The following POFUT3 variants were observed in gnomAD, a reference collection of about 807,000 sequenced individuals.
POFUT3 encodes protein O-fucosyltransferase 3.
the POFUT3 span, among the ~76,000 whole-genome samples, chr8:33,366,565 TCA>T: frequency 6.6e-6 from 1 of 152,236 alleles, no homozygotes; most frequent in Non-Finnish European, 1.5e-5. Flanking sequence ...CTGCATTTAT[TCA>T]GTGTCAACAG....
the POFUT3 span, among the ~76,000 whole-genome samples, chr8:33,443,264 T>C: frequency 6.6e-6 from 1 of 152,208 alleles, no homozygotes; most frequent in African/African-American, 2.4e-5. Context: ...CGAAATGTCT[T>C]TGTTAGTTAA....
chr8:33,370,491 A>G, the POFUT3 span, among the ~76,000 whole-genome samples: 2 of 152,256 alleles, frequency 1.3e-5, no homozygotes, highest in Non-Finnish European at 2.9e-5. Context: ...CTTTCTTAAA[A>G]TATTTCACAA....
At chr8:33,409,278 T>C in the POFUT3 span, among the ~76,000 whole-genome samples, 1 of 152,122 alleles carries the variant, frequency 6.6e-6, no homozygotes, top group Non-Finnish European at 1.5e-5. Context: ...AGTTTTTGTA[T>C]TTTTAGTGGA....
the POFUT3 span, among the ~76,000 whole-genome samples, chr8:33,359,420 T>C: frequency 5.3e-4 from 80 of 152,290 alleles, 1 homozygote; most frequent in African/African-American, 1.9e-3. Context: ...AGATGTTTGG[T>C]GAAGGCACTA....
At chr8:33,418,544 C>G in the POFUT3 span, among the ~76,000 whole-genome samples, 1 of 151,548 alleles carries the variant, frequency 6.6e-6, no homozygotes, top group Non-Finnish European at 1.5e-5. Flanking sequence ...CTCAGGTGAT[C>G]TGCCCACCTC....
chr8:33,395,385 CA>C, the POFUT3 span, among the ~76,000 whole-genome samples: 1 of 152,032 alleles, frequency 6.6e-6, no homozygotes, highest in African/African-American at 2.4e-5. Flanking sequence ...GGCAGCTGGA[CA>C]TCAGAGATTA....
the POFUT3 span, among the ~76,000 whole-genome samples, chr8:33,398,886 TG>T: frequency 6.6e-6 from 1 of 152,224 alleles, no homozygotes; most frequent in Non-Finnish European, 1.5e-5. Context: ...GGCCTTCTTA[TG>T]GGCCGGCATT....
At chr8:33,317,682 C>T in the POFUT3 span, among the ~76,000 whole-genome samples, 1 of 152,056 alleles carries the variant, frequency 6.6e-6, no homozygotes, top group Non-Finnish European at 1.5e-5. Context: ...TTGCTGGTTG[C>T]CCTGTAAATA....
At chr8:33,397,535 A>G in the POFUT3 span, among the ~76,000 whole-genome samples, 7 of 152,164 alleles carry the variant, frequency 4.6e-5, no homozygotes, top group Non-Finnish European at 8.8e-5. Context: ...AGTTTAAGGC[A>G]CTGCCCTTCA....
chr8:33,351,005 TC>T, the POFUT3 span, among the ~76,000 whole-genome samples: 1 of 152,234 alleles, frequency 6.6e-6, no homozygotes, highest in Non-Finnish European at 1.5e-5. Flanking sequence ...GGACAGAGTC[TC>T]ACTCTGTTGC....
chr8:33,314,308 C>T, the POFUT3 span, among the ~76,000 whole-genome samples: 2 of 152,158 alleles, frequency 1.3e-5, no homozygotes, highest in Non-Finnish European at 2.9e-5. Flanking sequence ...AATTCAACCA[C>T]GTGGGATGGA....
the POFUT3 span, among the ~76,000 whole-genome samples, chr8:33,370,609 G>A: frequency 2.0e-5 from 3 of 152,206 alleles, no homozygotes; most frequent in Non-Finnish European, 4.4e-5. Context: ...GAAACGCTTA[G>A]AGAGGATTTT....
the POFUT3 span, among the ~76,000 whole-genome samples, chr8:33,424,268 A>C: frequency 6.6e-6 from 1 of 152,174 alleles, no homozygotes; most frequent in East Asian, 1.9e-4. Flanking sequence ...TCATGTTTCA[A>C]ATAAGGAAAA....
the POFUT3 span, among the ~76,000 whole-genome samples, chr8:33,327,940 C>T: frequency 6.6e-6 from 1 of 152,178 alleles, no homozygotes; most frequent in Non-Finnish European, 1.5e-5. Flanking sequence ...CTCATGGCAA[C>T]ATTAACTCCA....
the POFUT3 span, among the ~76,000 whole-genome samples, chr8:33,361,954 G>A: frequency 1.3e-5 from 2 of 152,162 alleles, no homozygotes; most frequent in East Asian, 1.9e-4. Flanking sequence ...GCAGTCCCAA[G>A]ACACGTAATT....
the POFUT3 span, among the ~76,000 whole-genome samples, chr8:33,467,968 G>A: frequency 6.8e-4 from 104 of 152,176 alleles, 3 homozygotes; most frequent in East Asian, 0.019. Context: ...GGCTGGGTGC[G>A]GTGGCTCATG....
chr8:33,424,542 GC>G, the POFUT3 span, among the ~76,000 whole-genome samples: 1 of 152,194 alleles, frequency 6.6e-6, no homozygotes. Context: ...GGGACAGGAT[GC>G]TTTCCAACCC....
chr8:33,458,090 C>T, the POFUT3 span, among the ~76,000 whole-genome samples: 1 of 152,066 alleles, frequency 6.6e-6, no homozygotes, highest in Non-Finnish European at 1.5e-5. Context: ...GGCCCTAATC[C>T]ATTAGGACTG....
the POFUT3 span, among the ~76,000 whole-genome samples, chr8:33,319,443 A>AATATATAAAATATATATTTTATATAT: frequency 1.2e-3 from 52 of 44,842 alleles, no homozygotes; most frequent in African/African-American, 9.3e-3. Context: ...TTTTTTATAT[A>AATATATAAAATATATATTTTATATAT]TTTATATAAT....
Sources: gnomAD v4.1 joint callset for allele counts (sites outside exome capture counted in the v4.1 genomes callset) on GRCh38, gnomAD v4.1.1 for gene constraint, MANE v1.5 for transcripts, NCBI Gene and HGNC (gene_info 2026-07-23, HGNC 2026-07-21) for gene names.